Variants in STS observed in about 807,000 individuals in gnomAD.
STS encodes steryl-sulfatase.
A neutral mutation model predicts 26.8 loss-of-function variants in STS; 7 were observed. That is an observed-to-expected ratio of 0.26 (90% CI 0.15 to 0.49). STS has a LOEUF of 0.49. Ranked by LOEUF, STS falls within the 20% of genes least tolerant of loss-of-function variation. STS has a pLI of 0.98. For synonymous variants in STS, 199 were observed against 189.4 expected, an observed-to-expected ratio of 1.05 and a Z score of -0.42; for missense variants, 434 against 465.6, an observed-to-expected ratio of 0.93 and a Z score of 0.63.
intron 2 of STS, among the ~76,000 whole-genome samples, chrX:7,211,119 T>TTGTATCCTTAGACCA (rs1235740280): frequency 1.8e-5 from 2 of 111,926 alleles, no homozygotes; most frequent in African/African-American, 6.5e-5. Context: ...AAGTGAAACT[T>TTGTATCCTTAGACCA]TGTATCCTTA....
At chrX:7,175,150 C>A in intron 1 of STS, among the ~76,000 whole-genome samples, 1 of 83,126 alleles carries the variant, frequency 1.2e-5, no homozygotes, top group Admixed American at 1.6e-4. Context: ...GATCCAAATT[C>A]TATCTTTTTC....
intron 8 of STS, among the ~76,000 whole-genome samples, chrX:7,319,182 C>T (rs1317279393): frequency 9.1e-6 from 1 of 110,472 alleles, no homozygotes; most frequent in Non-Finnish European, 1.9e-5. Flanking sequence ...TAAGACATGA[C>T]GTCTCTCTCT....
At chrX:7,239,412 T>C (rs1172136702) in intron 2 of STS, among the ~76,000 whole-genome samples, 1 of 112,232 alleles carries the variant, frequency 8.9e-6, no homozygotes, top group Non-Finnish European at 1.9e-5. Flanking sequence ...ATAAGCCTTC[T>C]TCCCCATCGA....
chrX:7,343,199 G>A (rs772032996), intron 10 of STS, among the ~76,000 whole-genome samples: 1 of 111,430 alleles, frequency 9.0e-6, no homozygotes, highest in South Asian at 3.8e-4. Flanking sequence ...AATAAATCTC[G>A]CCAAAACTAC....
intron 2 of STS, chrX:7,252,172 CAGAA>C: frequency 2.7e-6 from 1 of 371,154 alleles, no homozygotes; most frequent in Non-Finnish European, 3.5e-6. Context: ...AGATGAGAAA[CAGAA>C]AGAGAAAGTA....
chrX:7,290,465 G>A (rs1925360030), intron 7 of STS, among the ~76,000 whole-genome samples: 1 of 112,106 alleles, frequency 8.9e-6, no homozygotes, highest in Non-Finnish European at 1.9e-5. Context: ...GCAGCCTTCT[G>A]CGAATGGAAC....
At chrX:7,300,603 G>A (rs1925918118) in intron 7 of STS, among the ~76,000 whole-genome samples, 1 of 111,571 alleles carries the variant, frequency 9.0e-6, no homozygotes, top group Non-Finnish European at 1.9e-5. Context: ...GATCCAGACT[G>A]TATCTTTTGG....
chrX:7,259,074 A>C (rs1923588844), intron 5 of STS, among the ~76,000 whole-genome samples: 1 of 110,971 alleles, frequency 9.0e-6, no homozygotes, highest in South Asian at 3.8e-4. Context: ...TGGTAGAGTG[A>C]GTAGAGGATT....
intron 2 of STS, among the ~76,000 whole-genome samples, chrX:7,238,331 A>G (rs1922429596): frequency 1.8e-5 from 2 of 111,359 alleles, no homozygotes. Context: ...AAGCATAAAC[A>G]TCACAGGGTT....
intron 8 of STS, among the ~76,000 whole-genome samples, chrX:7,319,850 G>C (rs751385879): frequency 9.6e-6 from 1 of 104,574 alleles, no homozygotes; most frequent in South Asian, 4.0e-4. Flanking sequence ...ATTTCTATCT[G>C]TAACTCTACC....
intron 10 of STS, among the ~76,000 whole-genome samples, chrX:7,346,141 A>G (rs1239655042): frequency 1.8e-5 from 2 of 112,084 alleles, no homozygotes; most frequent in Non-Finnish European, 3.8e-5. Flanking sequence ...GAGGATGTTG[A>G]ATCAGTTTCT....
intron 6 of STS, among the ~76,000 whole-genome samples, chrX:7,265,303 G>A (rs1923954882): frequency 8.9e-6 from 1 of 111,989 alleles, no homozygotes; most frequent in African/African-American, 3.2e-5. Context: ...ACAAGGTGGA[G>A]ATTAATACAG....
intron 2 of STS, among the ~76,000 whole-genome samples, chrX:7,196,373 G>A (rs1933971856): frequency 2.7e-5 from 3 of 112,020 alleles, no homozygotes; most frequent in Admixed American, 1.9e-4. Flanking sequence ...CTTTACAGAT[G>A]TAAATCTCTC....
rs747590370 is a variant in STS, at chrX:7,260,389, A to G, written c.806+617A>G. Among the ~76,000 whole-genome samples, 6 of 111,365 alleles carry G rather than the reference A, an allele frequency of 5.4e-5. No individual in the cohort carries two copies. In the Admixed American group the frequency reaches 5.7e-4, roughly 11 times the overall value. ...CTGCTGATGACAAAGGAGGTGTCAG[A>G]TATCCCACTGGTTTTTTGTTTGTTT... On this transcript the variant is annotated intron_variant, in intron 6 of 10. Coordinates refer to ENST00000674429, the MANE Select transcript of STS (RefSeq NM_001320752.2).
intron 8 of STS, among the ~76,000 whole-genome samples, chrX:7,325,092 T>C (rs1927348635): frequency 8.9e-6 from 1 of 111,916 alleles, no homozygotes; most frequent in African/African-American, 3.3e-5. Context: ...TGAGTCCCTC[T>C]GATTACAAAG....
chrX:7,190,419 G>T (rs1408904417), intron 1 of STS, among the ~76,000 whole-genome samples: 4 of 111,559 alleles, frequency 3.6e-5, no homozygotes, highest in Non-Finnish European at 5.6e-5. Flanking sequence ...TGGCTCACCT[G>T]TTGTTTACTT....
intron 10 of STS, 69 bp from the exon 11 acceptor site, chrX:7,349,819 A>G: frequency 1.7e-6 from 2 of 1,193,702 alleles, no homozygotes; most frequent in South Asian, 3.5e-5. Context: ...TTTCCGCATC[A>G]CTTTTTCATT....
chrX:7,322,344 C>T (rs372555972), intron 8 of STS, among the ~76,000 whole-genome samples: 3 of 111,742 alleles, frequency 2.7e-5, no homozygotes, highest in Non-Finnish European at 3.8e-5. Flanking sequence ...TTTCCTGGAT[C>T]GGACAACGGA....
intron 9 of STS, among the ~76,000 whole-genome samples, chrX:7,332,538 C>T (rs1008935435): frequency 6.3e-5 from 7 of 110,468 alleles, no homozygotes; most frequent in Non-Finnish European, 1.1e-4. Flanking sequence ...ATTCTCCCTG[C>T]TTGGGGAAGG....
Sources: gnomAD v4.1 joint callset for allele counts (sites outside exome capture counted in the v4.1 genomes callset) on GRCh38, gnomAD v4.1.1 for gene constraint, MANE v1.5 for transcripts, NCBI Gene and HGNC (gene_info 2026-07-23, HGNC 2026-07-21) for gene names.